Variants in ROBO1 observed in about 807,000 individuals in gnomAD.
ROBO1 encodes the protein roundabout guidance receptor 1, also known as roundabout homolog 1.
A neutral mutation model predicts 195.9 loss-of-function variants in ROBO1; 149 were observed. The observed-to-expected ratio is 0.76, with a 90% CI of 0.67 to 0.87. ROBO1 has a LOEUF of 0.87. Ranked by LOEUF, ROBO1 falls within the 40% of genes least tolerant of loss-of-function variation. The pLI, the probability that ROBO1 is intolerant of heterozygous loss-of-function variation, is 0.00. For missense variants in ROBO1, 1,933 were observed against 2,068.3 expected (o/e 0.93, Z 1.27); for synonymous variants, 816 against 733.2 (o/e 1.11, Z -1.82).
chr3:79,440,449 T>C (rs1479072506), intron 2 of ROBO1, among the ~76,000 whole-genome samples: 1 of 152,054 alleles, frequency 6.6e-6, no homozygotes, highest in African/African-American at 2.4e-5. Context: ...GATTTTACAC[T>C]CATATATCAC....
At chr3:79,363,784 C>A (rs1368654373) in intron 2 of ROBO1, among the ~76,000 whole-genome samples, 2 of 152,120 alleles carry the variant, frequency 1.3e-5, no homozygotes, top group Non-Finnish European at 2.9e-5. Context: ...ATATTCCTTT[C>A]TTCATTGTGA....
At chr3:78,916,328 G>A (rs1448347459) in intron 4 of ROBO1, among the ~76,000 whole-genome samples, 2 of 150,648 alleles carry the variant, frequency 1.3e-5, no homozygotes, top group African/African-American at 2.4e-5. Flanking sequence ...CGAGGTGGGC[G>A]AACCACCTGA....
intron 2 of ROBO1, among the ~76,000 whole-genome samples, chr3:79,351,952 C>T (rs1026871481): frequency 2.6e-5 from 4 of 152,142 alleles, no homozygotes; most frequent in Admixed American, 6.6e-5. Context: ...TCAAGACATA[C>T]GTCTTTGCAA....
chr3:78,898,504 C>T (rs1297267440), intron 4 of ROBO1, among the ~76,000 whole-genome samples: 3 of 150,358 alleles, frequency 2.0e-5, no homozygotes, highest in African/African-American at 2.4e-5. Context: ...TCTCCTGCCT[C>T]GGCCTCCCAA....
At chr3:79,314,467 T>C (rs1401521231) in intron 2 of ROBO1, among the ~76,000 whole-genome samples, 1 of 152,222 alleles carries the variant, frequency 6.6e-6, no homozygotes, top group Non-Finnish European at 1.5e-5. Flanking sequence ...TTCTCTTTGC[T>C]GCCGCATGTG....
chr3:79,296,965 T>C (rs1185447410), intron 2 of ROBO1, among the ~76,000 whole-genome samples: 1 of 152,200 alleles, frequency 6.6e-6, no homozygotes, highest in East Asian at 1.9e-4. Flanking sequence ...TCAGGACAAT[T>C]GAAAATGTTG....
chr3:79,074,533 C>A (rs988903755), intron 3 of ROBO1, among the ~76,000 whole-genome samples: 1 of 151,770 alleles, frequency 6.6e-6, no homozygotes, highest in African/African-American at 2.4e-5. Context: ...ATCCTCCCAC[C>A]TCAGCCCCTG....
At chr3:78,922,156 T>C (rs931514063) in intron 4 of ROBO1, among the ~76,000 whole-genome samples, 2 of 152,154 alleles carry the variant, frequency 1.3e-5, no homozygotes, top group African/African-American at 2.4e-5. Flanking sequence ...AACATAATAG[T>C]TGCTGTGAGA....
At chr3:78,883,914 T>A (rs1389096486) in intron 4 of ROBO1, among the ~76,000 whole-genome samples, 2 of 152,140 alleles carry the variant, frequency 1.3e-5, no homozygotes, top group Admixed American at 6.6e-5. Context: ...CAGCCCAATG[T>A]TTCACTGCAA....
At chr3:78,735,294 GT>G (rs1559799726) in intron 5 of ROBO1, among the ~76,000 whole-genome samples, 2 of 152,104 alleles carry the variant, frequency 1.3e-5, no homozygotes. Flanking sequence ...TTTGACTACT[GT>G]GGTTTGATTC....
At chr3:79,479,158 C>T (rs1322901413) in intron 2 of ROBO1, among the ~76,000 whole-genome samples, 1 of 152,186 alleles carries the variant, frequency 6.6e-6, no homozygotes, top group African/African-American at 2.4e-5. Flanking sequence ...GTAAATCACA[C>T]TCTGTAAATA....
chr3:79,550,658 G>A (rs1275095559), intron 2 of ROBO1, among the ~76,000 whole-genome samples: 3 of 152,146 alleles, frequency 2.0e-5, no homozygotes, highest in South Asian at 4.1e-4. Flanking sequence ...TTATTAGGGA[G>A]AAATAATTCC....
chr3:78,772,661 C>T (rs1443480371), intron 4 of ROBO1, among the ~76,000 whole-genome samples: 1 of 151,896 alleles, frequency 6.6e-6, no homozygotes, highest in Non-Finnish European at 1.5e-5. Context: ...AGACAGTAGA[C>T]CCTATTTTCA....
At chr3:79,714,912 T>C (rs1702422556) in intron 1 of ROBO1, among the ~76,000 whole-genome samples, 1 of 150,570 alleles carries the variant, frequency 6.6e-6, no homozygotes, top group Non-Finnish European at 1.5e-5. Flanking sequence ...AATGAGTTAA[T>C]GGGTGCAGCA....
At chr3:79,166,459 A>C (rs747934260) in intron 2 of ROBO1, among the ~76,000 whole-genome samples, 3 of 152,146 alleles carry the variant, frequency 2.0e-5, no homozygotes, top group Non-Finnish European at 2.9e-5. Context: ...TAATTTAGAG[A>C]CAAATACATT....
chr3:79,335,926 G>A (rs904407143), intron 2 of ROBO1, among the ~76,000 whole-genome samples: 1 of 152,194 alleles, frequency 6.6e-6, no homozygotes. Context: ...CTCAGATGAA[G>A]CTGAGGAACT....
At chr3:79,722,069 ATGTTTTTAT>A (rs1702727310) in intron 1 of ROBO1, among the ~76,000 whole-genome samples, 1 of 152,208 alleles carries the variant, frequency 6.6e-6, no homozygotes, top group South Asian at 2.1e-4. Flanking sequence ...AGTCAGGAAG[ATGTTTTTAT>A]TGTTTTTCAT....
At chr3:78,724,353 C>A (rs1228047376) in intron 5 of ROBO1, among the ~76,000 whole-genome samples, 1 of 151,708 alleles carries the variant, frequency 6.6e-6, no homozygotes, top group Non-Finnish European at 1.5e-5. Context: ...ATATAACATA[C>A]CCACTTTCAA....
intron 2 of ROBO1, among the ~76,000 whole-genome samples, chr3:79,562,468 A>G (rs1030324377): frequency 6.6e-5 from 10 of 152,146 alleles, no homozygotes; most frequent in African/African-American, 1.9e-4. Context: ...AATCAAAACC[A>G]TTATCTCTTT....
Sources: gnomAD v4.1 joint callset for allele counts (sites outside exome capture counted in the v4.1 genomes callset) on GRCh38, gnomAD v4.1.1 for gene constraint, MANE v1.5 for transcripts, NCBI Gene and HGNC (gene_info 2026-07-23, HGNC 2026-07-21) for gene names.